Variants in FBXL7 observed in about 807,000 individuals in gnomAD.
FBXL7 encodes the protein F-box/LRR-repeat protein 7.
In FBXL7, 12 loss-of-function variants were observed where a neutral mutation model predicts 38.3. The ratio of observed to expected loss-of-function variants is 0.31; its 90% CI spans 0.20 to 0.51. The LOEUF (loss-of-function observed/expected upper bound fraction) is 0.51, where lower values mean the gene tolerates loss of function less well. FBXL7 is among the 20% of genes least tolerant of loss of function. The pLI is 0.98. For synonymous variants in FBXL7, 297 were observed against 300.9 expected, an observed-to-expected ratio of 0.99 and a Z score of 0.13; for missense variants, 567 against 676.4, an observed-to-expected ratio of 0.84 and a Z score of 1.79.
intron 2 of FBXL7, among the ~76,000 whole-genome samples, chr5:15,694,177 G>A (rs1743264114): frequency 6.6e-6 from 1 of 152,198 alleles, no homozygotes; most frequent in Non-Finnish European, 1.5e-5. Context: ...AGGGGTCTGA[G>A]TAATGGTGCA....
intron 2 of FBXL7, among the ~76,000 whole-genome samples, chr5:15,866,106 C>G (rs1256722867): frequency 6.6e-6 from 1 of 152,126 alleles, no homozygotes; most frequent in Non-Finnish European, 1.5e-5. Flanking sequence ...TATTTTTTCT[C>G]CTAGGATAAA....
intron 2 of FBXL7, among the ~76,000 whole-genome samples, chr5:15,789,512 G>A (rs767719119): frequency 4.6e-5 from 7 of 152,280 alleles, no homozygotes; most frequent in East Asian, 1.9e-4. Context: ...ACAGGGCAGC[G>A]TTCAAGGCAG....
chr5:15,866,676 C>A (rs1014143045), intron 2 of FBXL7, among the ~76,000 whole-genome samples: 2 of 149,332 alleles, frequency 1.3e-5, no homozygotes, highest in African/African-American at 5.0e-5. Context: ...CCCCACCCCC[C>A]AACAAGACCT....
intron 1 of FBXL7, among the ~76,000 whole-genome samples, chr5:15,518,830 T>C (rs1737016644): frequency 6.6e-6 from 1 of 152,140 alleles, no homozygotes. Context: ...TGGGCATTTG[T>C]TCATCTAAAT....
chr5:15,584,518 C>T (rs1010623322), intron 1 of FBXL7, among the ~76,000 whole-genome samples: 4 of 152,194 alleles, frequency 2.6e-5, no homozygotes, highest in African/African-American at 9.6e-5. Flanking sequence ...AGTAAACTCT[C>T]ATCTTCATCT....
intron 1 of FBXL7, among the ~76,000 whole-genome samples, chr5:15,573,957 C>T (rs1257000405): frequency 6.6e-6 from 1 of 152,168 alleles, no homozygotes; most frequent in African/African-American, 2.4e-5. Context: ...ATATATAGAA[C>T]TGAGCATTGT....
intron 1 of FBXL7, among the ~76,000 whole-genome samples, chr5:15,529,589 C>T (rs1184691319): frequency 6.6e-6 from 1 of 151,954 alleles, no homozygotes; most frequent in South Asian, 2.1e-4. Flanking sequence ...GGGGTTTCAC[C>T]GTGTTAGCCA....
chr5:15,567,107 C>T (rs55877383), intron 1 of FBXL7, among the ~76,000 whole-genome samples: 2 of 152,152 alleles, frequency 1.3e-5, no homozygotes, highest in Non-Finnish European at 2.9e-5. Context: ...TGAATTTTAA[C>T]TCTTCTAGCA....
intron 3 of FBXL7, among the ~76,000 whole-genome samples, chr5:15,932,078 C>A (rs551443336): frequency 1.3e-5 from 2 of 152,122 alleles, no homozygotes; most frequent in African/African-American, 2.4e-5. Flanking sequence ...TGAACACAGG[C>A]GTGTCAAAGT....
chr5:15,823,975 A>G (rs1480954446), intron 2 of FBXL7, among the ~76,000 whole-genome samples: 1 of 152,130 alleles, frequency 6.6e-6, no homozygotes, highest in East Asian at 1.9e-4. Context: ...ATGGATGCTG[A>G]GATTAAACGT....
chr5:15,821,941 G>A (rs974969623), intron 2 of FBXL7, among the ~76,000 whole-genome samples: 4 of 152,166 alleles, frequency 2.6e-5, no homozygotes, highest in Admixed American at 1.3e-4. Flanking sequence ...CTTCTATCTC[G>A]GGAGTGGACA....
intron 1 of FBXL7, among the ~76,000 whole-genome samples, chr5:15,605,066 G>A (rs1739959263): frequency 6.6e-6 from 1 of 152,110 alleles, no homozygotes; most frequent in Non-Finnish European, 1.5e-5. Context: ...CACTATACTG[G>A]GTGGAATCCT....
rs555483689 is a variant in FBXL7 at position 15,771,724 on chromosome 5, CAAAACCACAGCTATCTGGACTAATAG to C, written c.127+155655_127+155680del. The stretch of plus-strand genomic sequence containing the variant: ...CTTTGAACCAGACCTTCCCTGGTTC[CAAAACCACAGCTATCTGGACTAATAG>C]AAGGTCAAAGGATTAACAGATTTTT... On this transcript the variant is annotated intron_variant, in intron 2 of 3. Transcript: ENST00000504595. 1.0e-3 allele frequency among the ~76,000 whole-genome samples: 152 copies of C among 151,486 alleles called. 1 individual carries two copies. In the East Asian group the frequency reaches 0.022, roughly 22 times the overall value.
chr5:15,863,071 C>T (rs899584414), intron 2 of FBXL7, among the ~76,000 whole-genome samples: 1 of 152,178 alleles, frequency 6.6e-6, no homozygotes, highest in Non-Finnish European at 1.5e-5. Flanking sequence ...AATCCCCACA[C>T]ATGATGTATA....
At chr5:15,807,230 C>T (rs1737737989) in intron 2 of FBXL7, among the ~76,000 whole-genome samples, 1 of 152,172 alleles carries the variant, frequency 6.6e-6, no homozygotes, top group African/African-American at 2.4e-5. Flanking sequence ...GTGTGAGCCA[C>T]CATGACTGGC....
chr5:15,691,681 C>T (rs1357178698), intron 2 of FBXL7, among the ~76,000 whole-genome samples: 1 of 152,192 alleles, frequency 6.6e-6, no homozygotes, highest in African/African-American at 2.4e-5. Flanking sequence ...GAGAAGATTT[C>T]TTTGAGTCTA....
chr5:15,577,098 C>G (rs1352798985), intron 1 of FBXL7, among the ~76,000 whole-genome samples: 1 of 152,162 alleles, frequency 6.6e-6, no homozygotes, highest in East Asian at 1.9e-4. Context: ...TGAGAAGCAG[C>G]CTGGATAACA....
chr5:15,640,914 C>T (rs1741346940), intron 2 of FBXL7, among the ~76,000 whole-genome samples: 1 of 152,160 alleles, frequency 6.6e-6, no homozygotes, highest in Non-Finnish European at 1.5e-5. Flanking sequence ...GCATCCTTTG[C>T]CTTCCTCACC....
At chr5:15,932,190 A>T (rs1045225525) in intron 3 of FBXL7, among the ~76,000 whole-genome samples, 1 of 152,202 alleles carries the variant, frequency 6.6e-6, no homozygotes, top group African/African-American at 2.4e-5. Context: ...AAAATTCCTC[A>T]TCAGTAAAAG....
Sources: allele counts gnomAD v4.1 joint callset (sites outside exome capture counted in the v4.1 genomes callset), GRCh38; gene constraint gnomAD v4.1.1; transcripts MANE v1.5; gene names NCBI Gene and HGNC (gene_info 2026-07-23, HGNC 2026-07-21).